Variants in DNAAF11 observed in about 807,000 individuals in gnomAD.
The protein encoded by DNAAF11 is leucine rich repeat containing 6.
A neutral mutation model predicts 60.8 loss-of-function variants in DNAAF11; 45 were observed. The observed-to-expected ratio is 0.74, with a 90% CI of 0.58 to 0.95. DNAAF11 has a LOEUF of 0.95. Ranked by LOEUF, DNAAF11 falls within the 40% of genes least tolerant of loss-of-function variation. The probability of loss-of-function intolerance (pLI) is 0.00; values close to 1 mark genes in which losing one functional copy is unlikely to be tolerated. For synonymous variants in DNAAF11, 191 were observed against 183.5 expected (o/e 1.04, Z -0.33); for missense variants, 546 against 546.2 (o/e 1.00, Z 0.00).
intron 3 of DNAAF11, among the ~76,000 whole-genome samples, chr8:132,649,695 C>A (rs540058153): frequency 2.0e-3 from 300 of 152,234 alleles, no homozygotes; most frequent in Non-Finnish European, 3.6e-3. Flanking sequence ...ACCCCATCAA[C>A]AAGTGGGTGA....
chr8:132,606,802 C>A (rs1222089517), intron 10 of DNAAF11, among the ~76,000 whole-genome samples: 1 of 151,898 alleles, frequency 6.6e-6, no homozygotes, highest in Non-Finnish European at 1.5e-5. Context: ...TTGCATCTGG[C>A]CAAAAATTTT....
At chr8:132,649,467 T>C (rs1422868471) in intron 3 of DNAAF11, among the ~76,000 whole-genome samples, 3 of 152,072 alleles carry the variant, frequency 2.0e-5, no homozygotes, top group African/African-American at 7.2e-5. Flanking sequence ...GCAAGGGCTT[T>C]ATGACTAAAA....
At chr8:132,688,122 A>G in the DNAAF11 span, among the ~76,000 whole-genome samples, 1 of 152,216 alleles carries the variant, frequency 6.6e-6, no homozygotes, top group Admixed American at 6.5e-5. Context: ...ATTAATACAT[A>G]GAGCCCTCAT....
At chr8:132,688,930 T>A in the DNAAF11 span, among the ~76,000 whole-genome samples, 1 of 152,218 alleles carries the variant, frequency 6.6e-6, no homozygotes, top group Non-Finnish European at 1.5e-5. Flanking sequence ...TTCTAATTCA[T>A]GTAAGGAAAC....
intron 4 of DNAAF11, among the ~76,000 whole-genome samples, chr8:132,633,353 T>C (rs1416868663): frequency 6.6e-6 from 1 of 152,070 alleles, no homozygotes; most frequent in Non-Finnish European, 1.5e-5. Context: ...ATATTACACA[T>C]GATTGGGCTC....
intron 1 of DNAAF11, among the ~76,000 whole-genome samples, chr8:132,664,876 A>G (rs112927672): frequency 6.6e-6 from 1 of 152,184 alleles, no homozygotes; most frequent in Admixed American, 6.5e-5. Flanking sequence ...ATATTGATTC[A>G]TATCTTCTAA....
chr8:132,574,404 A>G (rs1814523789), intron 11 of DNAAF11, among the ~76,000 whole-genome samples: 1 of 152,210 alleles, frequency 6.6e-6, no homozygotes, highest in Non-Finnish European at 1.5e-5. Flanking sequence ...TCCTTCTGGG[A>G]CTGCATAGCA....
At chr8:132,610,282 A>G in intron 9 of DNAAF11, 21 bp from the exon 10 acceptor site, 1 of 1,527,970 alleles carries the variant, frequency 6.5e-7, no homozygotes, top group Non-Finnish European at 9.1e-7. Flanking sequence ...GTAGAAAGAA[A>G]GTATCATTGA....
At chr8:132,643,568 A>G in intron 3 of DNAAF11, 1 of 451,190 alleles carries the variant, frequency 2.2e-6, no homozygotes, top group Non-Finnish European at 4.5e-6. Context: ...TCATTATGAT[A>G]TCCTGTCAAT....
chr8:132,602,035 T>C (rs188003272), intron 10 of DNAAF11, among the ~76,000 whole-genome samples: 1 of 152,252 alleles, frequency 6.6e-6, no homozygotes, highest in African/African-American at 2.4e-5. Context: ...TCTTCGTTAA[T>C]ATTTTTTTTT....
intron 10 of DNAAF11, among the ~76,000 whole-genome samples, chr8:132,605,590 A>G (rs1369807148): frequency 1.3e-5 from 2 of 152,196 alleles, no homozygotes; most frequent in African/African-American, 4.8e-5. Flanking sequence ...GTTCTCAGGA[A>G]GCTTAAATTC....
At chr8:132,617,204 G>T (rs1279203576) in intron 7 of DNAAF11, among the ~76,000 whole-genome samples, 2 of 152,178 alleles carry the variant, frequency 1.3e-5, no homozygotes. Context: ...GAAATGTAAA[G>T]GGAGTGTTTA....
intron 11 of DNAAF11, among the ~76,000 whole-genome samples, chr8:132,580,103 T>C (rs140989469): frequency 2.0e-5 from 3 of 151,068 alleles, no homozygotes; most frequent in Admixed American, 2.0e-4. Flanking sequence ...ACTTCAGATA[T>C]TGGAATATGA....
chr8:132,676,525 G>T (rs562430223), upstream of DNAAF11, among the ~76,000 whole-genome samples: 1 of 152,322 alleles, frequency 6.6e-6, no homozygotes, highest in Non-Finnish European at 1.5e-5. Context: ...ATCTTGATGT[G>T]TGTATTATGT....
chr8:132,649,516 T>C (rs1434917696), intron 3 of DNAAF11, among the ~76,000 whole-genome samples: 1 of 151,980 alleles, frequency 6.6e-6, no homozygotes, highest in African/African-American at 2.4e-5. Context: ...AATTGACAAA[T>C]GGGATCTAAT....
intron 11 of DNAAF11, among the ~76,000 whole-genome samples, chr8:132,579,920 T>C (rs1815147088): frequency 6.6e-6 from 1 of 151,556 alleles, no homozygotes; most frequent in Non-Finnish European, 1.5e-5. Flanking sequence ...TCGCTTGAAC[T>C]GGGAGGCGGA....
the DNAAF11 span, among the ~76,000 whole-genome samples, chr8:132,681,395 C>T: frequency 0.023 from 3,496 of 149,870 alleles, 141 homozygotes; most frequent in African/African-American, 0.078. Flanking sequence ...CTGTCTCCAT[C>T]TTACAGATAA....
chr8:132,675,478 G>C lies in DNAAF11; in HGVS notation c.10+6C>G, dbSNP rs774104305. The C allele has an allele frequency of 6.4e-7, 1 of 1,566,640 alleles. No homozygotes were observed. Among genetic ancestry groups the C allele is most frequent in the South Asian group, 1.2e-5 (1 of 86,342 alleles). The stretch of plus-strand genomic sequence containing the variant: ...GATCGAGGACGGAAGGTGGAGGGGG[G>C]CTTACTCCAGCCCATGGCGCCTCTC... On this transcript the variant is annotated splice_donor_region_variant and intron_variant, in intron 1 of 11. Coordinates refer to ENST00000620350, the MANE Select transcript of DNAAF11 (RefSeq NM_012472.6).
Position 132,661,647 on chromosome 8 carries a change from A to G in DNAAF11, c.11-20T>C. ...CTGTGACTGGAAGAAAATGTGTTAC[A>G]TATTACATTTCTGTCCCCATTGTTC... is the stretch of plus-strand genomic sequence containing the variant. On this transcript the variant is annotated intron_variant, in intron 1 of 11. Transcript: ENST00000620350. 6.2e-7 allele frequency: 1 copy of G among 1,604,074 alleles called. No individual in the cohort carries two copies. The highest frequency in any genetic ancestry group is 8.5e-7 in the Non-Finnish European group (1 of 1,171,010).
Sources: allele counts gnomAD v4.1 joint callset (sites outside exome capture counted in the v4.1 genomes callset), GRCh38; gene constraint gnomAD v4.1.1; transcripts MANE v1.5; gene names NCBI Gene and HGNC (gene_info 2026-07-23, HGNC 2026-07-21).